Variants in CDCA7L observed in about 807,000 individuals in gnomAD.
The protein encoded by CDCA7L is cell division cycle associated 7 like.
A neutral mutation model predicts 57.4 loss-of-function variants in CDCA7L; 44 were observed. That is an observed-to-expected ratio of 0.77 (90% CI 0.60 to 0.98). The LOEUF (loss-of-function observed/expected upper bound fraction) is 0.98, where lower values mean the gene tolerates loss of function less well. Among genes scored for constraint, CDCA7L ranks in the 50% least tolerant of loss-of-function variants. The pLI, the probability that CDCA7L is intolerant of heterozygous loss-of-function variation, is 0.00. For missense variants in CDCA7L, 644 were observed against 580.6 expected (o/e 1.11, Z -1.12); for synonymous variants, 236 against 202.8 (o/e 1.16, Z -1.39).
intron 1 of CDCA7L, among the ~76,000 whole-genome samples, chr7:21,939,963 C>CAA (rs3062638): frequency 2.6e-5 from 3 of 115,842 alleles, no homozygotes; most frequent in Admixed American, 8.8e-5. Context: ...AGCTTCAAAC[C>CAA]AAAAAAAAAA....
chr7:21,902,565 C>CGATTCAGAGTTTACTA, intron 9 of CDCA7L: 1 of 578,926 alleles, frequency 1.7e-6, no homozygotes, highest in South Asian at 2.2e-5. Flanking sequence ...TCCAGAACCA[C>CGATTCAGAGTTTACTA]GATTCAGAGT....
In CDCA7L at chr7:21,904,877, T is replaced by C. The variant is rs113890522; in HGVS notation, c.1048-618A>G. ...TCAGGAAGAGAGACCAGAGAAAAGCTTGAGGCAGGGGTGGCAGAGCCCCTG... is the reference window on the plus strand; with the variant it reads ...TCAGGAAGAGAGACCAGAGAAAAGCCTGAGGCAGGGGTGGCAGAGCCCCTG... On this transcript the variant is annotated intron_variant, in intron 7 of 9. Coordinates refer to ENST00000406877, the MANE Select transcript of CDCA7L (RefSeq NM_018719.5). 5.9e-3 allele frequency among the ~76,000 whole-genome samples: 894 copies of C among 152,254 alleles called. 11 individuals carry two copies. Among genetic ancestry groups the C allele is most frequent in the African/African-American group, 0.021 (852 of 41,560 alleles).
At chr7:21,934,946 AG>A (rs1786120148) in intron 1 of CDCA7L, among the ~76,000 whole-genome samples, 1 of 65,044 alleles carries the variant, frequency 1.5e-5, no homozygotes, top group Admixed American at 1.6e-4. Flanking sequence ...ATGAAGAAAT[AG>A]ACTGTTCTGC....
In CDCA7L at chr7:21,908,285, T is replaced by C; in HGVS notation, c.526A>G (p.Lys176Glu). 1 of 1,613,300 alleles carries C rather than the reference T, an allele frequency of 6.2e-7. No homozygotes were observed. The highest frequency in any genetic ancestry group is 8.5e-7 in the Non-Finnish European group (1 of 1,179,820). The change falls in exon 4 of 10, where the codon AAA becomes GAA. Residue 176 changes from lysine (K) to glutamate (E), a missense_variant. By Grantham distance (56) the Lys-to-Glu change is moderately conservative. Coordinates refer to ENST00000406877, the MANE Select transcript of CDCA7L (RefSeq NM_018719.5). The stretch of plus-strand genomic sequence containing the variant: ...TTCTTTCTTTCAAGAATTGTTTTTT[T>C]CTCATTCTGTAAGCGTGCGCTAGAA... Reference protein sequence around the residue: ...LFSSARLQNEKKTILERKKDC... With the variant: ...LFSSARLQNEEKTILERKKDC...
At chr7:21,916,676 A>G in intron 2 of CDCA7L, 78 bp downstream of exon 2, 1 of 1,322,044 alleles carries the variant, frequency 7.6e-7, no homozygotes. Flanking sequence ...ATCTCACACC[A>G]TGTTCAAATA....
intron 1 of CDCA7L, among the ~76,000 whole-genome samples, chr7:21,926,000 T>C (rs552905782): frequency 1.2e-4 from 18 of 152,200 alleles, no homozygotes; most frequent in Admixed American, 4.6e-4. Context: ...GCTACTTAGA[T>C]GGCCTAGGCA....
At chr7:21,920,081 GACT>G (rs1785605336) in intron 1 of CDCA7L, among the ~76,000 whole-genome samples, 1 of 152,196 alleles carries the variant, frequency 6.6e-6, no homozygotes, top group African/African-American at 2.4e-5. Flanking sequence ...TGAATGCAAT[GACT>G]ACTAATACAG....
At chr7:21,903,148 T>TTATC (rs1206308026) in intron 8 of CDCA7L, 34 bp from the exon 9 acceptor site, 4 of 1,602,890 alleles carry the variant, frequency 2.5e-6, no homozygotes. Flanking sequence ...ACTTCGCTCA[T>TTATC]TATCTACAGG....
Position 21,905,593 on chromosome 7 carries a change from A to G in CDCA7L, c.960T>C (p.Ser320=). The G allele has an allele frequency of 6.2e-7, 1 of 1,614,098 alleles. No individual in the cohort carries two copies. Among genetic ancestry groups the G allele is most frequent in the South Asian group, 1.1e-5 (1 of 91,086 alleles). The change falls in exon 7 of 10, where the codon TCT becomes TCC. Residue 320 remains serine (S), a synonymous_variant. Transcript: ENST00000406877. ...CREYRRRHRI[S]SFRPVEDITE... is the part of the protein sequence containing the mutation. ...TGATATCCTCCACTGGCCGAAAAGA[A>G]GATATACGGTGACGTCGTCTGTACT...
chr7:21,942,075 A>G (rs1038311802), intron 1 of CDCA7L, among the ~76,000 whole-genome samples: 2 of 151,556 alleles, frequency 1.3e-5, no homozygotes, highest in African/African-American at 4.9e-5. Context: ...CTTCCACCCT[A>G]CCAATGCCTA....
intron 1 of CDCA7L, among the ~76,000 whole-genome samples, chr7:21,934,493 CAG>C (rs1164946176): frequency 2.0e-5 from 3 of 152,056 alleles, no homozygotes; most frequent in African/African-American, 7.2e-5. Flanking sequence ...AAGGCAATAA[CAG>C]AGGAAATGAG....
intron 1 of CDCA7L, chr7:21,944,631 ACCATTTTCAGGAAGG>A (rs1212778661): frequency 9.2e-5 from 14 of 152,046 alleles, no homozygotes; most frequent in Non-Finnish European, 4.4e-5. Flanking sequence ...TTCTCAAGCG[ACCATTTTCAGGAAGG>A]CTTCAGAAAT....
In CDCA7L at chr7:21,945,872, G is replaced by C. The variant is rs529189616; in HGVS notation, c.-68C>G. On this transcript the variant is annotated 5_prime_UTR_variant, in exon 1 of 10. Coordinates refer to ENST00000406877, the MANE Select transcript of CDCA7L (RefSeq NM_018719.5). ...GGGAGCCCGGACTCACCACGGCCCG[G>C]CGCACCAAGAACGCCCCGCGCCCGA... The C allele has an allele frequency of 2.0e-6, 3 of 1,530,242 alleles. No individual in the cohort carries two copies. In the South Asian group the frequency reaches 3.6e-5, roughly 18 times the overall value. 94.8% of individuals were successfully genotyped at this position (1,530,242 alleles called of 1,614,324 possible).
Position 21,901,389 on chromosome 7 carries a change from AGAGTGAAAGTCAG to A in CDCA7L, c.*920_*932del. On this transcript the variant is annotated 3_prime_UTR_variant, in exon 10 of 10. Transcript: ENST00000406877. ...GCATTCTTTTTTCAACGCTATCCTT[AGAGTGAAAGTCAG>A]AAAAAAATACTAGAAACTAACTCAG... The A allele has an allele frequency of 3.2e-5, 40 of 1,257,022 alleles. No individual in the cohort carries two copies. The highest frequency in any genetic ancestry group is 3.5e-5 in the Non-Finnish European group (34 of 971,346). 77.9% of individuals were successfully genotyped at this position (1,257,022 alleles called of 1,614,324 possible).
chr7:21,913,635 G>C (rs1203157519), intron 2 of CDCA7L, among the ~76,000 whole-genome samples: 1 of 152,220 alleles, frequency 6.6e-6, no homozygotes, highest in Non-Finnish European at 1.5e-5. Flanking sequence ...ATTTAGAGTG[G>C]TATTTCTGTG....
chr7:21,916,632 A>C (rs1785490084), intron 2 of CDCA7L, 122 bp downstream of exon 2: 2 of 931,098 alleles, frequency 2.1e-6, no homozygotes, highest in African/African-American at 3.3e-5. Context: ...AATGTTTCTA[A>C]AATAAAATGC....
intron 1 of CDCA7L, among the ~76,000 whole-genome samples, chr7:21,938,551 C>T (rs937907860): frequency 2.0e-5 from 3 of 152,106 alleles, no homozygotes; most frequent in African/African-American, 4.8e-5. Context: ...CTTTTAGGAA[C>T]ACACACCCAG....
chr7:21,929,094 T>A (rs188912348), intron 1 of CDCA7L, among the ~76,000 whole-genome samples: 106 of 152,282 alleles, frequency 7.0e-4, no homozygotes, highest in African/African-American at 2.5e-3. Flanking sequence ...CCCATCAGAC[T>A]AACAGCGGAT....
rs10555456 is a variant in CDCA7L at position 21,900,939 on chromosome 7, AACTT to A, written c.*1379_*1382del. The A allele has an allele frequency of 0.94, 1,413,231 of 1,502,682 alleles. 671,147 individuals carry two copies. The highest frequency in any genetic ancestry group is 0.98 in the Non-Finnish European group (1,101,368 of 1,126,748). The allele number at this position is 1,502,682 out of a possible 1,614,324, so 93.1% of individuals were successfully genotyped here. ...ATGTTGAATGTTTATTGCATCAAAC[AACTT>A]ACTTGATCATTATCATTAGTAGCAA... On this transcript the variant is annotated 3_prime_UTR_variant, in exon 10 of 10. Coordinates refer to ENST00000406877, the MANE Select transcript of CDCA7L (RefSeq NM_018719.5).
Sources: allele counts gnomAD v4.1 joint callset (sites outside exome capture counted in the v4.1 genomes callset), GRCh38; gene constraint gnomAD v4.1.1; transcripts MANE v1.5; gene names NCBI Gene and HGNC (gene_info 2026-07-23, HGNC 2026-07-21).